Variants in DYM observed in about 807,000 individuals in gnomAD.
The protein encoded by DYM is dyggve-Melchior-Clausen syndrome protein.
Under a neutral mutation model 93.1 loss-of-function variants are expected in DYM, and 78 were observed. That is an observed-to-expected ratio of 0.84 (90% confidence interval 0.70 to 1.01). The LOEUF is 1.01. DYM is among the 50% of genes least tolerant of loss of function. The probability of loss-of-function intolerance (pLI) is 0.00; values close to 1 mark genes in which losing one functional copy is unlikely to be tolerated. For missense variants in DYM, 789 were observed against 845.0 expected (o/e 0.93, Z 0.82); for synonymous variants, 321 against 319.7 (o/e 1.00, Z -0.04).
At chr18:49,149,514 T>C (rs1286346200) in intron 15 of DYM, among the ~76,000 whole-genome samples, 1 of 152,156 alleles carries the variant, frequency 6.6e-6, no homozygotes, top group Non-Finnish European at 1.5e-5. Flanking sequence ...TAACATTTTA[T>C]TAATTTTTTC....
Position 49,381,730 on chromosome 18 carries a change from C to G in DYM, c.194-1972G>C, listed in dbSNP as rs555227310. 8.5e-5 allele frequency among the ~76,000 whole-genome samples: 13 copies of G among 152,288 alleles called. No individual in the cohort carries two copies. The East Asian group carries it at 2.1e-3, about 25-fold the overall frequency. On this transcript the variant is annotated intron_variant, in intron 3 of 17. Transcript: ENST00000675505. ...GGCTGGAGAATCCCACTGTGAGTAG[C>G]AAGGTGCAACATTTGTTGTCAATCA... is the stretch of plus-strand genomic sequence containing the variant.
Position 49,441,309 on chromosome 18 carries a change from TTA to T in DYM, c.-53-10864_-53-10863del, listed in dbSNP as rs1568455261. 8.5e-4 allele frequency among the ~76,000 whole-genome samples: 26 copies of T among 30,732 alleles called. 1 individual carries two copies. Among genetic ancestry groups the T allele is most frequent in the African/African-American group, 4.4e-3 (24 of 5,412 alleles). The allele number at this position is 30,732 out of a possible 152,430, so 20.2% of individuals were successfully genotyped here. A position where few individuals can be genotyped will look rare whatever the true frequency, so the allele number is the denominator to read the frequency against. ...TTATATATAATATAATTATATATAATTAATATATAATTATATATAATATAATT... is the reference window on the plus strand; with the variant it reads ...TTATATATAATATAATTATATATAATATATATAATTATATATAATATAATT... On this transcript the variant is annotated intron_variant, in intron 1 of 17. Transcript: ENST00000675505.
intron 10 of DYM, among the ~76,000 whole-genome samples, chr18:49,278,888 A>G (rs1220631382): frequency 1.3e-5 from 2 of 152,236 alleles, no homozygotes; most frequent in African/African-American, 2.4e-5. Flanking sequence ...GGCATAAGCA[A>G]TGGGTCTGTT....
intron 9 of DYM, among the ~76,000 whole-genome samples, chr18:49,282,733 T>C (rs921192172): frequency 1.3e-5 from 2 of 152,106 alleles, no homozygotes; most frequent in African/African-American, 4.8e-5. Flanking sequence ...TGAACTTAAA[T>C]AAACAGAATT....
At chr18:49,232,589 A>G (rs1488294907) in intron 13 of DYM, among the ~76,000 whole-genome samples, 1 of 138,906 alleles carries the variant, frequency 7.2e-6, no homozygotes, top group Non-Finnish European at 1.5e-5. Context: ...GGCGTGAGCC[A>G]CTGTGCCCGG....
intron 2 of DYM, among the ~76,000 whole-genome samples, chr18:49,420,292 C>T (rs188901189): frequency 6.6e-6 from 1 of 151,786 alleles, no homozygotes; most frequent in Non-Finnish European, 1.5e-5. Context: ...TTCAGCCTCC[C>T]GAGTAGCTGG....
At chr18:49,129,037 T>C (rs1384060747) in intron 15 of DYM, among the ~76,000 whole-genome samples, 2 of 152,128 alleles carry the variant, frequency 1.3e-5, no homozygotes, top group African/African-American at 2.4e-5. Flanking sequence ...ATGCCCTTTT[T>C]TCATTCTTTC....
chr18:49,202,407 G>A (rs1222341997), intron 14 of DYM, among the ~76,000 whole-genome samples: 1 of 149,690 alleles, frequency 6.7e-6, no homozygotes, highest in Admixed American at 6.6e-5. Flanking sequence ...CCTCTGCCCG[G>A]CCGCCACCCC....
At chr18:49,317,823 G>T (rs1216628360) in intron 8 of DYM, among the ~76,000 whole-genome samples, 1 of 151,674 alleles carries the variant, frequency 6.6e-6, no homozygotes, top group Non-Finnish European at 1.5e-5. Context: ...AAGGCTTGAT[G>T]GCATTCATCC....
At chr18:49,046,642 G>A (rs144992975) in intron 17 of DYM, among the ~76,000 whole-genome samples, 163 of 152,350 alleles carry the variant, frequency 1.1e-3, no homozygotes, top group Non-Finnish European at 2.0e-3. Flanking sequence ...GCTCACGCCT[G>A]TAATCCCAGC....
At chr18:49,086,213 T>G (rs2078510207) in intron 17 of DYM, among the ~76,000 whole-genome samples, 1 of 152,184 alleles carries the variant, frequency 6.6e-6, no homozygotes, top group Non-Finnish European at 1.5e-5. Flanking sequence ...TATGGAGGCT[T>G]AGAAGTCCCA....
intron 17 of DYM, among the ~76,000 whole-genome samples, chr18:49,093,605 A>C (rs2079276291): frequency 6.6e-6 from 1 of 152,138 alleles, no homozygotes; most frequent in Admixed American, 6.5e-5. Context: ...AGTACTTTTG[A>C]GTTAGAGGGA....
intron 6 of DYM, among the ~76,000 whole-genome samples, chr18:49,341,262 G>A (rs1166747009): frequency 1.3e-5 from 2 of 152,072 alleles, no homozygotes; most frequent in Admixed American, 1.3e-4. Flanking sequence ...AGGCCGAGGC[G>A]GGTGGATCAC....
At chr18:49,329,294 G>A (rs1184576415) in intron 8 of DYM, among the ~76,000 whole-genome samples, 1 of 129,400 alleles carries the variant, frequency 7.7e-6, no homozygotes, top group African/African-American at 2.8e-5. Flanking sequence ...TGGGGTGGGG[G>A]GGAGGGGGGA....
At chr18:49,299,959 C>T (rs2060801950) in intron 8 of DYM, among the ~76,000 whole-genome samples, 1 of 150,070 alleles carries the variant, frequency 6.7e-6, no homozygotes, top group South Asian at 2.1e-4. Flanking sequence ...AGGAGAATGG[C>T]ATAAACCCGG....
chr18:49,277,050 C>T (rs2094861287), intron 10 of DYM, among the ~76,000 whole-genome samples: 1 of 152,070 alleles, frequency 6.6e-6, no homozygotes, highest in African/African-American at 2.4e-5. Flanking sequence ...CTATGGATGG[C>T]TCCCTGTGAC....
At chr18:49,433,171 C>G (rs1388882353) in intron 1 of DYM, among the ~76,000 whole-genome samples, 1 of 152,134 alleles carries the variant, frequency 6.6e-6, no homozygotes, top group African/African-American at 2.4e-5. Context: ...CCGGATCAAC[C>G]AGGAGAAGAA....
At chr18:49,089,595 G>T (rs956891856) in intron 17 of DYM, among the ~76,000 whole-genome samples, 6 of 152,214 alleles carry the variant, frequency 3.9e-5, no homozygotes, top group African/African-American at 1.4e-4. Flanking sequence ...TACAGTAGTG[G>T]TTCCCAAATC....
At chr18:49,191,867 T>C (rs970652733) in intron 14 of DYM, among the ~76,000 whole-genome samples, 1 of 152,128 alleles carries the variant, frequency 6.6e-6, no homozygotes, top group Non-Finnish European at 1.5e-5. Flanking sequence ...AAGAATAAGG[T>C]CAAAAGTGTG....
Sources: allele counts gnomAD v4.1 joint callset (sites outside exome capture counted in the v4.1 genomes callset), GRCh38; gene constraint gnomAD v4.1.1; transcripts MANE v1.5; gene names NCBI Gene and HGNC (gene_info 2026-07-23, HGNC 2026-07-21).